PPFIBP1: variants seen among roughly 807,000 people sequenced by gnomAD.
PPFIBP1 encodes liprin-beta-1.
Under a neutral mutation model 137.8 loss-of-function variants are expected in PPFIBP1, and 112 were observed. The ratio of observed to expected loss-of-function variants is 0.81; its 90% confidence interval spans 0.70 to 0.95. The LOEUF (loss-of-function observed/expected upper bound fraction) is 0.95, where lower values mean the gene tolerates loss of function less well. Ranked by LOEUF, PPFIBP1 falls within the 40% of genes least tolerant of loss-of-function variation. The pLI is 0.00. For synonymous variants in PPFIBP1, 378 were observed against 417.3 expected (o/e 0.91, Z 1.15); for missense variants, 1,083 against 1,196.6 (o/e 0.91, Z 1.40).
At chr12:27,617,348 T>A (rs1367763631) in intron 2 of PPFIBP1, among the ~76,000 whole-genome samples, 1 of 152,180 alleles carries the variant, frequency 6.6e-6, no homozygotes, top group African/African-American at 2.4e-5. Context: ...GCAGGTGGGA[T>A]CCCTTCACCT....
rs951834230 is a variant in PPFIBP1, at chr12:27,693,225, A to G, written c.*343A>G. 1.3e-4 allele frequency: 26 copies of G among 196,606 alleles called. No homozygotes were observed. Among genetic ancestry groups the G allele is most frequent in the African/African-American group, 5.9e-4 (25 of 42,342 alleles). 12.2% of individuals were successfully genotyped at this position (196,606 alleles called of 1,614,324 possible). ...TTGAGGAACAGTAACCAGGATGTGA[A>G]TGATTTTGTTACATCAGTGTTCACT... On this transcript the variant is annotated 3_prime_UTR_variant, in exon 30 of 30. Transcript: ENST00000228425.
chr12:27,541,156 G>C (rs1215193596), intron 1 of PPFIBP1, among the ~76,000 whole-genome samples: 1 of 152,016 alleles, frequency 6.6e-6, no homozygotes, highest in Non-Finnish European at 1.5e-5. Flanking sequence ...TCCCAAAGTA[G>C]GGTATCACAG....
intron 27 of PPFIBP1, among the ~76,000 whole-genome samples, chr12:27,690,144 A>G (rs1377626273): frequency 1.3e-5 from 2 of 150,314 alleles, no homozygotes; most frequent in African/African-American, 2.4e-5. Context: ...GAAGAACATG[A>G]GTTTGAATTA....
intron 7 of PPFIBP1, 158 bp from the exon 8 acceptor site, chr12:27,654,564 C>A: frequency 1.1e-6 from 1 of 911,596 alleles, no homozygotes; most frequent in Non-Finnish European, 1.5e-6. Flanking sequence ...TGCCTTCGTT[C>A]TTAAGGAGGT....
intron 2 of PPFIBP1, among the ~76,000 whole-genome samples, chr12:27,606,921 A>G (rs1424987896): frequency 6.6e-6 from 1 of 152,150 alleles, no homozygotes; most frequent in African/African-American, 2.4e-5. Context: ...ATCAAGATGA[A>G]TTTTATATAT....
chr12:27,644,244 G>GTTTTTTTTTTTTTTTTTTTTTTTTTTTTT (rs3842650), intron 4 of PPFIBP1, among the ~76,000 whole-genome samples: 23 of 117,758 alleles, frequency 2.0e-4, no homozygotes, highest in South Asian at 3.5e-4. Context: ...GCTTGGCTAA[G>GTTTTTTTTTTTTTTTTTTTTTTTTTTTTT]TTTTTTTTTT....
chr12:27,635,463 A>C (rs1344377601), intron 4 of PPFIBP1: 1 of 382,958 alleles, frequency 2.6e-6, no homozygotes, highest in East Asian at 4.2e-5. Context: ...TGGGTTATTC[A>C]CCATAAAGGA....
chr12:27,534,091 G>T (rs1187723021), intron 1 of PPFIBP1, among the ~76,000 whole-genome samples: 1 of 152,136 alleles, frequency 6.6e-6, no homozygotes, highest in Non-Finnish European at 1.5e-5. Context: ...AGAGAGACAT[G>T]GTAGATAGCT....
chr12:27,617,963 C>T (rs116990498), intron 2 of PPFIBP1, among the ~76,000 whole-genome samples: 3,423 of 152,280 alleles, frequency 0.022, 331 homozygotes, highest in Admixed American at 0.17. Flanking sequence ...GTCAAGACAA[C>T]TCAACACATT....
At chr12:27,676,803 C>T in intron 18 of PPFIBP1, 1 of 702,280 alleles carries the variant, frequency 1.4e-6, no homozygotes, top group Non-Finnish European at 2.5e-6. Flanking sequence ...CCTGCTCTCT[C>T]CTGTGGTATA....
At chr12:27,681,457 T>C in intron 21 of PPFIBP1, 89 bp from the exon 22 acceptor site, 2 of 1,403,538 alleles carry the variant, frequency 1.4e-6, no homozygotes, top group Non-Finnish European at 2.0e-6. Context: ...AATTTCCATG[T>C]CTATTGAATG....
chr12:27,663,682 A>G (rs2059684041), intron 11 of PPFIBP1, among the ~76,000 whole-genome samples: 1 of 152,130 alleles, frequency 6.6e-6, no homozygotes, highest in Admixed American at 6.5e-5. Flanking sequence ...CTCTACAAAA[A>G]TACAAAAATG....
intron 2 of PPFIBP1, among the ~76,000 whole-genome samples, chr12:27,611,584 G>A (rs572246342): frequency 1.6e-4 from 24 of 152,084 alleles, no homozygotes; most frequent in Admixed American, 2.0e-4. Context: ...CACATCATCC[G>A]TAGTTGAACC....
At chr12:27,527,273 G>A (rs888562730) in intron 1 of PPFIBP1, among the ~76,000 whole-genome samples, 1 of 151,378 alleles carries the variant, frequency 6.6e-6, no homozygotes, top group African/African-American at 2.4e-5. Flanking sequence ...TTTTGAGACA[G>A]GGTCTCGCTC....
chr12:27,529,467 A>C (rs1944158218), intron 1 of PPFIBP1, among the ~76,000 whole-genome samples: 1 of 152,096 alleles, frequency 6.6e-6, no homozygotes, highest in Non-Finnish European at 1.5e-5. Context: ...GCTGAGGTGG[A>C]TGGATCACTT....
chr12:27,549,617 A>G (rs181215861), intron 1 of PPFIBP1, among the ~76,000 whole-genome samples: 18 of 152,302 alleles, frequency 1.2e-4, no homozygotes, highest in African/African-American at 4.3e-4. Flanking sequence ...AGGAAGAACC[A>G]GAAGTGATCT....
At chr12:27,581,819 TTCA>T (rs1384675666) in intron 2 of PPFIBP1, among the ~76,000 whole-genome samples, 4 of 152,212 alleles carry the variant, frequency 2.6e-5, no homozygotes. Context: ...TGATCTTGGT[TTCA>T]TCATGTAACT....
chr12:27,629,856 C>T, intron 2 of PPFIBP1, among the ~76,000 whole-genome samples: 1 of 152,096 alleles, frequency 6.6e-6, no homozygotes, highest in Non-Finnish European at 1.5e-5. Context: ...TATGGATGGT[C>T]TATTCTTAGT....
rs1292657505 is a variant in PPFIBP1, at chr12:27,625,339, G to T, written c.-35-8023G>T. ...CAATTATCAACTTATGGCTAATCTT[G>T]TTTTATTAATATCTTTACCCTTATT... On this transcript the variant is annotated intron_variant, in intron 2 of 29. Transcript: ENST00000228425. Among the ~76,000 whole-genome samples, 3 of 151,942 alleles carry T rather than the reference G, an allele frequency of 2.0e-5. No homozygotes were observed. The East Asian group carries it at 5.8e-4, about 29-fold the overall frequency.
Sources: gnomAD v4.1 joint callset for allele counts (sites outside exome capture counted in the v4.1 genomes callset) on GRCh38, gnomAD v4.1.1 for gene constraint, MANE v1.5 for transcripts, NCBI Gene and HGNC (gene_info 2026-07-23, HGNC 2026-07-21) for gene names.